Variants in COL21A1 observed in about 807,000 individuals in gnomAD.
The protein encoded by COL21A1 is collagen type XXI alpha 1 chain, also known as collagen alpha-1(XXI) chain.
In COL21A1, 149 loss-of-function variants were observed where a neutral mutation model predicts 137.9. The observed-to-expected ratio is 1.08, with a 90% CI of 0.95 to 1.24. COL21A1 has a LOEUF of 1.24. Among genes scored for constraint, COL21A1 ranks in the 50% most tolerant of loss-of-function variants. The pLI is 0.00. For missense variants in COL21A1, 1,167 were observed against 1,158.4 expected, an observed-to-expected ratio of 1.01 and a Z score of -0.11; for synonymous variants, 456 against 391.5, an observed-to-expected ratio of 1.16 and a Z score of -1.95.
intron 1 of COL21A1, among the ~76,000 whole-genome samples, chr6:56,198,720 C>T (rs559016674): frequency 1.3e-5 from 2 of 152,182 alleles, no homozygotes; most frequent in East Asian, 3.9e-4. Context: ...TTTGGAAATA[C>T]TATATCATAG....
chr6:56,115,949 T>C (rs1047038267), intron 16 of COL21A1, among the ~76,000 whole-genome samples: 2 of 151,922 alleles, frequency 1.3e-5, no homozygotes, highest in Admixed American at 6.6e-5. Flanking sequence ...ATTGATGAGC[T>C]TGAAGATAGA....
chr6:56,298,467 G>A (rs1764208274), intron 1 of COL21A1, among the ~76,000 whole-genome samples: 1 of 152,016 alleles, frequency 6.6e-6, no homozygotes, highest in African/African-American at 2.4e-5. Flanking sequence ...ATCAGAAGCA[G>A]TTGAGTTTGT....
chr6:56,339,715 C>T (rs575748405), intron 1 of COL21A1, among the ~76,000 whole-genome samples: 1 of 152,314 alleles, frequency 6.6e-6, no homozygotes, highest in Non-Finnish European at 1.5e-5. Context: ...AGAACTAAAG[C>T]TTGTGCAGAC....
At chr6:56,080,431 C>T (rs1438408764) in intron 17 of COL21A1, among the ~76,000 whole-genome samples, 1 of 151,738 alleles carries the variant, frequency 6.6e-6, no homozygotes, top group African/African-American at 2.4e-5. Flanking sequence ...TAAACCACTG[C>T]TGTACAACAA....
At chr6:56,359,388 G>A (rs1044891705) in intron 1 of COL21A1, among the ~76,000 whole-genome samples, 1 of 152,114 alleles carries the variant, frequency 6.6e-6, no homozygotes, top group Non-Finnish European at 1.5e-5. Context: ...CTAAAACACC[G>A]TCTGTGTTGT....
chr6:56,187,201 G>A (rs1445014827), intron 1 of COL21A1, among the ~76,000 whole-genome samples: 1 of 152,080 alleles, frequency 6.6e-6, no homozygotes, highest in African/African-American at 2.4e-5. Context: ...ATGGTGAGGG[G>A]GCTCAGGAGA....
rs192075614 is a variant in COL21A1, at chr6:56,285,658, G to A, written c.-38-103002C>T. Among the ~76,000 whole-genome samples, 4 of 152,252 alleles carry A rather than the reference G, an allele frequency of 2.6e-5. No individual in the cohort carries two copies. In the East Asian group the frequency reaches 7.7e-4, roughly 29 times the overall value. ...TGGTATAGTCTTCTCAAGTACTCAT[G>A]TAATGTAATACTTAACTGAAAATTT... On this transcript the variant is annotated intron_variant, in intron 1 of 28. Coordinates refer to the COL21A1 transcript ENST00000370819.
chr6:56,340,088 C>T (rs1490286717), intron 1 of COL21A1, among the ~76,000 whole-genome samples: 1 of 152,114 alleles, frequency 6.6e-6, no homozygotes, highest in African/African-American at 2.4e-5. Flanking sequence ...CCGTACATGC[C>T]AAACACATCT....
upstream of COL21A1, among the ~76,000 whole-genome samples, chr6:56,249,327 T>G (rs1360107436): frequency 1.3e-5 from 2 of 152,198 alleles, no homozygotes; most frequent in Non-Finnish European, 2.9e-5. Context: ...AAATGTTCAA[T>G]GTAGAGTTAA....
intron 1 of COL21A1, among the ~76,000 whole-genome samples, chr6:56,306,717 T>C (rs1372207683): frequency 6.6e-6 from 1 of 152,118 alleles, no homozygotes; most frequent in Non-Finnish European, 1.5e-5. Flanking sequence ...ATCTGAAGCC[T>C]TCTTCTCTCA....
At chr6:56,208,830 C>CAGACCG (rs1779966723) in intron 1 of COL21A1, among the ~76,000 whole-genome samples, 1 of 151,968 alleles carries the variant, frequency 6.6e-6, no homozygotes, top group South Asian at 2.1e-4. Flanking sequence ...AACAAGTATA[C>CAGACCG]AGACCGACGG....
intron 9 of COL21A1, among the ~76,000 whole-genome samples, chr6:56,159,437 A>G (rs984974077): frequency 6.7e-6 from 1 of 150,294 alleles, no homozygotes; most frequent in African/African-American, 2.5e-5. Flanking sequence ...GGTTCAAGTG[A>G]TTCTCCTGCC....
intron 1 of COL21A1, among the ~76,000 whole-genome samples, chr6:56,333,371 A>G (rs1308641091): frequency 7.4e-6 from 1 of 135,294 alleles, no homozygotes; most frequent in Non-Finnish European, 1.5e-5. Context: ...TGAGAAATTT[A>G]TACAGATAAA....
At chr6:56,101,186 A>AG (rs1482261958) in intron 17 of COL21A1, among the ~76,000 whole-genome samples, 1 of 152,168 alleles carries the variant, frequency 6.6e-6, no homozygotes, top group South Asian at 2.1e-4. Flanking sequence ...CATCGACTGA[A>AG]GGCTCAGCAA....
At chr6:56,203,353 A>C (rs554756444) in intron 1 of COL21A1, among the ~76,000 whole-genome samples, 1 of 152,362 alleles carries the variant, frequency 6.6e-6, no homozygotes, top group South Asian at 2.1e-4. Context: ...TGGCATAGAC[A>C]AAAGAGGAGT....
At chr6:56,272,403 G>A (rs900077942) in intron 1 of COL21A1, among the ~76,000 whole-genome samples, 1 of 142,356 alleles carries the variant, frequency 7.0e-6, no homozygotes, top group African/African-American at 2.5e-5. Context: ...TTGTATCTTG[G>A]GAGTTAACTA....
intron 1 of COL21A1, among the ~76,000 whole-genome samples, chr6:56,298,698 G>A (rs1764214705): frequency 6.6e-6 from 1 of 152,064 alleles, no homozygotes; most frequent in Admixed American, 6.6e-5. Flanking sequence ...GGTGACTTAT[G>A]GGAAGATTGC....
chr6:56,286,700 T>C (rs1763922168), intron 1 of COL21A1, among the ~76,000 whole-genome samples: 1 of 152,224 alleles, frequency 6.6e-6, no homozygotes, highest in East Asian at 1.9e-4. Flanking sequence ...AATATCTGTT[T>C]TTTCCAACTG....
intron 12 of COL21A1, among the ~76,000 whole-genome samples, chr6:56,141,350 A>T (rs1364562173): frequency 1.3e-5 from 2 of 152,200 alleles, no homozygotes; most frequent in Non-Finnish European, 2.9e-5. Flanking sequence ...AAAAAGACAA[A>T]TACCATATCA....
Sources: gnomAD v4.1 joint callset for allele counts (sites outside exome capture counted in the v4.1 genomes callset) on GRCh38, gnomAD v4.1.1 for gene constraint, MANE v1.5 for transcripts, NCBI Gene and HGNC (gene_info 2026-07-23, HGNC 2026-07-21) for gene names.